The following HSD17B6 variants were observed in gnomAD, a reference collection of about 807,000 sequenced individuals.
HSD17B6 encodes 17-beta-hydroxysteroid dehydrogenase type 6.
In HSD17B6, 16 loss-of-function variants were observed where a neutral mutation model predicts 26.4. That is an observed-to-expected ratio of 0.61 (90% CI 0.41 to 0.92). The LOEUF is 0.92. HSD17B6 is among the 40% of genes least tolerant of loss of function. The pLI is 0.00. For synonymous variants in HSD17B6, 139 were observed against 153.0 expected (o/e 0.91, Z 0.68); for missense variants, 357 against 386.1 (o/e 0.92, Z 0.63).
At chr12:56,783,415 C>T (rs1236874037) in intron 3 of HSD17B6, among the ~76,000 whole-genome samples, 1 of 138,284 alleles carries the variant, frequency 7.2e-6, no homozygotes, top group African/African-American at 2.8e-5. Context: ...GGCAGAGGGG[C>T]TCCTCACTTC....
chr12:56,771,245 T>C (rs1358660752), intron 1 of HSD17B6, among the ~76,000 whole-genome samples: 1 of 152,154 alleles, frequency 6.6e-6, no homozygotes, highest in East Asian at 1.9e-4. Flanking sequence ...TTACCACCTA[T>C]TCCTGTGCCT....
intron 1 of HSD17B6, among the ~76,000 whole-genome samples, chr12:56,767,525 C>G (rs1398625149): frequency 6.9e-6 from 1 of 143,938 alleles, no homozygotes; most frequent in Non-Finnish European, 1.5e-5. Flanking sequence ...CAAAACAAAA[C>G]AAAACGAAAA....
rs141210914 is a variant in HSD17B6, at chr12:56,774,155, G to T, written c.303G>T (p.Val101=). 21 of 1,549,418 alleles carry T rather than the reference G, an allele frequency of 1.4e-5. No individual in the cohort carries two copies. The highest frequency in any genetic ancestry group is 4.1e-5 in the African/African-American group (3 of 72,754). The change falls in exon 2 of 5, where the codon GTG becomes GTT. Residue 101 remains valine (V), a synonymous_variant. Transcript: ENST00000322165. ...CTACTCAGTGGGTGAAGGAGCATGTGGGGGACAGAGGTATGAAATATTTTC... is the reference window on the plus strand; with the variant it reads ...CTACTCAGTGGGTGAAGGAGCATGTTGGGGACAGAGGTATGAAATATTTTC... ...AAATQWVKEH[V]GDRGLWGLVN...
intron 2 of HSD17B6, 115 bp downstream of exon 2, chr12:56,774,280 A>C: frequency 1.1e-6 from 1 of 904,748 alleles, no homozygotes; most frequent in South Asian, 2.2e-5. Flanking sequence ...GGATACTAAA[A>C]TCCGAGGATG....
chr12:56,765,607 C>CA (rs1954308334), intron 1 of HSD17B6, among the ~76,000 whole-genome samples: 1 of 151,738 alleles, frequency 6.6e-6, no homozygotes, highest in South Asian at 2.1e-4. Context: ...AAGTGATTCC[C>CA]ACCCCCTCCC....
chr12:56,783,892 C>T (rs1954807373), intron 3 of HSD17B6, among the ~76,000 whole-genome samples: 2 of 151,034 alleles, frequency 1.3e-5, no homozygotes, highest in African/African-American at 4.9e-5. Flanking sequence ...GGGTGGCAGC[C>T]AGGTGGAGGG....
intron 3 of HSD17B6, among the ~76,000 whole-genome samples, chr12:56,782,593 A>C (rs1475530365): frequency 6.6e-6 from 1 of 152,062 alleles, no homozygotes; most frequent in East Asian, 1.9e-4. Context: ...TCCTGGGCTC[A>C]AACGATCCTT....
chr12:56,781,833 G>T (rs1954720478), intron 2 of HSD17B6, 141 bp from the exon 3 acceptor site: 3 of 855,242 alleles, frequency 3.5e-6, no homozygotes, highest in Non-Finnish European at 5.5e-6. Flanking sequence ...AAACTTGTAT[G>T]TTATATCATT....
intron 4 of HSD17B6, 146 bp downstream of exon 4, chr12:56,785,162 G>A (rs922037035): frequency 1.1e-5 from 9 of 829,882 alleles, no homozygotes; most frequent in Admixed American, 8.7e-5. Context: ...GGAGTCCTCA[G>A]GAAACTTATA....
At chr12:56,768,324 G>A (rs1954389462) in intron 1 of HSD17B6, among the ~76,000 whole-genome samples, 1 of 152,118 alleles carries the variant, frequency 6.6e-6, no homozygotes. Flanking sequence ...GGGAATGGAA[G>A]GTGAAGTGCA....
intron 1 of HSD17B6, among the ~76,000 whole-genome samples, chr12:56,770,864 A>C (rs1177814893): frequency 6.6e-6 from 1 of 152,152 alleles, no homozygotes; most frequent in Non-Finnish European, 1.5e-5. Flanking sequence ...TCTGTCTAGT[A>C]CTGTATGTAA....
At position 56,782,276 on chromosome 12, in the gene HSD17B6, T is replaced by C. The variant is rs998650366; in HGVS notation, c.572+44T>C. ...AAAACAGCTATTGAGCACTGAAATA[T>C]GTCTTAGGCATTGTGCTAGTTGCTT... On this transcript the variant is annotated intron_variant, in intron 3 of 4. Coordinates refer to ENST00000322165, the MANE Select transcript of HSD17B6 (RefSeq NM_003725.4). 19 of 1,581,436 alleles carry C rather than the reference T, an allele frequency of 1.2e-5. No homozygotes were observed. In the African/African-American group the frequency reaches 2.6e-4, roughly 21 times the overall value.
chr12:56,765,392 C>T (rs527631508), intron 1 of HSD17B6, among the ~76,000 whole-genome samples: 2 of 152,134 alleles, frequency 1.3e-5, no homozygotes, highest in East Asian at 3.9e-4. Context: ...GCTGAGATCA[C>T]GCCACTGCAC....
chr12:56,781,650 A>G (rs1275948425), intron 2 of HSD17B6, among the ~76,000 whole-genome samples: 1 of 152,114 alleles, frequency 6.6e-6, no homozygotes, highest in Non-Finnish European at 1.5e-5. Flanking sequence ...AAAAATACAA[A>G]CATTGGCTGG....
intron 2 of HSD17B6, among the ~76,000 whole-genome samples, chr12:56,775,287 A>G (rs996730799): frequency 2.0e-5 from 3 of 152,210 alleles, no homozygotes; most frequent in Non-Finnish European, 4.4e-5. Flanking sequence ...GCATGATCAT[A>G]GCTCACTGCA....
At chr12:56,766,674 C>A (rs1422163521) in intron 1 of HSD17B6, among the ~76,000 whole-genome samples, 2 of 152,138 alleles carry the variant, frequency 1.3e-5, no homozygotes, top group East Asian at 3.9e-4. Flanking sequence ...GGAAATTAAC[C>A]AGACAGCCCT....
chr12:56,765,658 C>T (rs1005939153), intron 1 of HSD17B6, among the ~76,000 whole-genome samples: 2 of 150,874 alleles, frequency 1.3e-5, no homozygotes, highest in Admixed American at 6.6e-5. Context: ...ACTACAGGCA[C>T]TCCCCACCAT....
At chr12:56,778,489 T>C (rs1205081045) in intron 2 of HSD17B6, among the ~76,000 whole-genome samples, 1 of 152,050 alleles carries the variant, frequency 6.6e-6, no homozygotes, top group Non-Finnish European at 1.5e-5. Flanking sequence ...GGTTTCACCA[T>C]GTTGGCCAGG....
chr12:56,773,782 T>C, intron 1 of HSD17B6, 52 bp from the exon 2 acceptor site: 1 of 1,464,236 alleles, frequency 6.8e-7, no homozygotes. Context: ...ACTGAATAGA[T>C]ATATTGGTTA....
Sources: allele counts gnomAD v4.1 joint callset (sites outside exome capture counted in the v4.1 genomes callset), GRCh38; gene constraint gnomAD v4.1.1; transcripts MANE v1.5; gene names NCBI Gene and HGNC (gene_info 2026-07-23, HGNC 2026-07-21).